The following MTHFD2L variants were observed in gnomAD, a reference collection of about 807,000 sequenced individuals.
MTHFD2L encodes methylenetetrahydrofolate dehydrogenase (NADP+ dependent) 2 like.
A neutral mutation model predicts 34.9 loss-of-function variants in MTHFD2L; 29 were observed. The ratio of observed to expected loss-of-function variants is 0.83; its 90% CI spans 0.62 to 1.13. The LOEUF is 1.13. Ranked by LOEUF, MTHFD2L falls within the 50% of genes most tolerant of loss-of-function variation. The pLI, the probability that MTHFD2L is intolerant of heterozygous loss-of-function variation, is 0.00. For synonymous variants in MTHFD2L, 167 were observed against 155.7 expected (o/e 1.07, Z -0.54); for missense variants, 481 against 446.5 (o/e 1.08, Z -0.70).
At chr4:74,176,407 C>A (rs1729046018) in intron 3 of MTHFD2L, among the ~76,000 whole-genome samples, 1 of 152,072 alleles carries the variant, frequency 6.6e-6, no homozygotes, top group Non-Finnish European at 1.5e-5. Flanking sequence ...CTACTTACAT[C>A]CAGTTTCCAT....
At chr4:74,224,954 T>G (rs1038461622) in intron 5 of MTHFD2L, among the ~76,000 whole-genome samples, 2 of 152,116 alleles carry the variant, frequency 1.3e-5, no homozygotes, top group Admixed American at 1.3e-4. Flanking sequence ...CTTTTATTAT[T>G]TGTTTGCTTG....
rs574850873 is a variant in MTHFD2L, at chr4:74,211,735, T to C, written c.712+10365T>C. Among the ~76,000 whole-genome samples the C allele has an allele frequency of 6.6e-5, 10 of 152,218 alleles. No individual in the cohort carries two copies. In the East Asian group the frequency reaches 1.9e-3, roughly 29 times the overall value. On this transcript the variant is annotated intron_variant, in intron 5 of 7. Transcript: ENST00000325278. ...AGGGGGAGTCCCTCTTTTTCTATTG[T>C]GTGGAATAGTTTCAGAAGGAATGAT...
intron 1 of MTHFD2L, among the ~76,000 whole-genome samples, chr4:74,133,887 T>C (rs1481385024): frequency 1.3e-5 from 2 of 152,002 alleles, no homozygotes; most frequent in African/African-American, 4.8e-5. Context: ...AGCAAGATCT[T>C]CACCAGCAGC....
chr4:74,170,598 CATTAAA>C (rs1341711846), intron 1 of MTHFD2L, among the ~76,000 whole-genome samples: 4 of 151,900 alleles, frequency 2.6e-5, no homozygotes, highest in African/African-American at 9.7e-5. Flanking sequence ...AATTGGAGTA[CATTAAA>C]ATTAAGAACT....
At chr4:74,249,469 T>G (rs536901911) in intron 6 of MTHFD2L, among the ~76,000 whole-genome samples, 2 of 152,322 alleles carry the variant, frequency 1.3e-5, no homozygotes, top group East Asian at 1.9e-4. Context: ...TTGGAGCATT[T>G]AGTCCATTTA....
intron 5 of MTHFD2L, among the ~76,000 whole-genome samples, chr4:74,221,358 G>A (rs1412935533): frequency 1.3e-5 from 2 of 151,644 alleles, no homozygotes; most frequent in Non-Finnish European, 3.0e-5. Context: ...CATGAACTGA[G>A]AAAGTTATTC....
chr4:74,259,437 C>T (rs1212280023), intron 6 of MTHFD2L, among the ~76,000 whole-genome samples: 3 of 152,156 alleles, frequency 2.0e-5, no homozygotes, highest in African/African-American at 4.8e-5. Context: ...CTCCACTCCT[C>T]CCCACCACCA....
intron 6 of MTHFD2L, among the ~76,000 whole-genome samples, chr4:74,272,960 A>T (rs1462156062): frequency 6.6e-6 from 1 of 152,142 alleles, no homozygotes; most frequent in Non-Finnish European, 1.5e-5. Context: ...GATTTGGGGG[A>T]TAGCTTCCAA....
At chr4:74,134,111 C>G (rs938200252) in intron 1 of MTHFD2L, among the ~76,000 whole-genome samples, 1 of 152,220 alleles carries the variant, frequency 6.6e-6, no homozygotes, top group Admixed American at 6.5e-5. Flanking sequence ...TTCCCATCTT[C>G]TTCGGTTTCC....
At chr4:74,149,943 C>T (rs554261540) in intron 1 of MTHFD2L, among the ~76,000 whole-genome samples, 1 of 151,730 alleles carries the variant, frequency 6.6e-6, no homozygotes, top group South Asian at 2.1e-4. Context: ...CTAGTGGGCT[C>T]AATCAAATCA....
At chr4:74,189,536 G>A (rs933965904) in intron 3 of MTHFD2L, among the ~76,000 whole-genome samples, 1 of 139,332 alleles carries the variant, frequency 7.2e-6, no homozygotes, top group Non-Finnish European at 1.5e-5. Flanking sequence ...ACACTGGAAG[G>A]TGAGTAAATC....
intron 1 of MTHFD2L, among the ~76,000 whole-genome samples, chr4:74,130,432 G>C (rs573891611): frequency 3.3e-5 from 5 of 152,004 alleles, no homozygotes; most frequent in Non-Finnish European, 5.9e-5. Flanking sequence ...GCTGGTTCAA[G>C]ATATGCAAAA....
intron 7 of MTHFD2L, among the ~76,000 whole-genome samples, chr4:74,287,785 G>A (rs762958435): frequency 6.6e-6 from 1 of 152,152 alleles, no homozygotes; most frequent in Non-Finnish European, 1.5e-5. Flanking sequence ...ATAAAAGTCT[G>A]GAATTAGGGA....
intron 1 of MTHFD2L, among the ~76,000 whole-genome samples, chr4:74,150,365 T>C (rs1346215723): frequency 2.0e-5 from 3 of 152,212 alleles, no homozygotes; most frequent in Non-Finnish European, 4.4e-5. Context: ...GCGATTCTCC[T>C]GCCTTAGCCT....
intron 6 of MTHFD2L, chr4:74,242,273 ATAAT>A (rs1015620408): frequency 6.6e-6 from 1 of 152,210 alleles, no homozygotes; most frequent in African/African-American, 2.4e-5. Context: ...GTATGATTAA[ATAAT>A]TAAAATATTC....
chr4:74,255,056 A>C (rs1247306340), intron 6 of MTHFD2L, among the ~76,000 whole-genome samples: 1 of 148,084 alleles, frequency 6.8e-6, no homozygotes, highest in Non-Finnish European at 1.5e-5. Context: ...AATCGCTTGA[A>C]CCAGGGAGGC....
chr4:74,158,151 G>T lies in MTHFD2L; in HGVS notation c.13G>T (p.Val5Phe). The change falls in exon 1 of 8, where the codon GTC becomes TTC. Residue 5 changes from valine to phenylalanine, a missense_variant. Val to Phe is a conservative substitution (Grantham distance 50, BLOSUM62 -1). Transcript: ENST00000325278. MTVP[V>F]RGFSLLRGRL... is the part of the protein sequence containing the mutation. ...GGGATCCGCGGCCATGACGGTGCCG[G>T]TCCGCGGCTTCTCGCTGCTCCGCGG... 6.5e-7 allele frequency: 1 copy of T among 1,530,566 alleles called. No homozygotes were observed. The highest frequency in any genetic ancestry group is 8.8e-7 in the Non-Finnish European group (1 of 1,140,478). The allele number at this position is 1,530,566 out of a possible 1,614,324, so 94.8% of individuals were successfully genotyped here.
At chr4:74,245,592 G>A (rs1488614989) in intron 6 of MTHFD2L, among the ~76,000 whole-genome samples, 2 of 151,850 alleles carry the variant, frequency 1.3e-5, no homozygotes, top group Admixed American at 1.3e-4. Flanking sequence ...TCGTCATTTA[G>A]CATTAGGTAT....
intron 1 of MTHFD2L, among the ~76,000 whole-genome samples, chr4:74,165,960 C>T (rs1726603450): frequency 6.6e-6 from 1 of 150,852 alleles, no homozygotes; most frequent in Non-Finnish European, 1.5e-5. Flanking sequence ...AATAGTTTAC[C>T]ATATTTAGAT....
Sources: gnomAD v4.1 joint callset for allele counts (sites outside exome capture counted in the v4.1 genomes callset) on GRCh38, gnomAD v4.1.1 for gene constraint, MANE v1.5 for transcripts, NCBI Gene and HGNC (gene_info 2026-07-23, HGNC 2026-07-21) for gene names.